The following WWOX variants were observed in gnomAD, a reference collection of about 807,000 sequenced individuals.
WWOX encodes the protein WW domain containing oxidoreductase.
Under a neutral mutation model 46.2 loss-of-function variants are expected in WWOX, and 69 were observed. The observed-to-expected ratio is 1.49, with a 90% CI of 1.23 to 1.82. The LOEUF is 1.82. Among genes scored for constraint, WWOX ranks in the 40% most tolerant of loss-of-function variants. The pLI, the probability that WWOX is intolerant of heterozygous loss-of-function variation, is 0.00. For missense variants in WWOX, 919 were observed against 542.6 expected, an observed-to-expected ratio of 1.69 and a Z score of -6.89; for synonymous variants, 359 against 202.6, an observed-to-expected ratio of 1.77 and a Z score of -6.56.
intron 8 of WWOX, among the ~76,000 whole-genome samples, chr16:78,992,518 G>T (rs191942982): frequency 1.3e-5 from 2 of 152,096 alleles, no homozygotes; most frequent in Non-Finnish European, 2.9e-5. Context: ...CTCATTTTAC[G>T]TTGTATGTAC....
chr16:78,995,636 A>C (rs1294065385), intron 8 of WWOX, among the ~76,000 whole-genome samples: 1 of 152,184 alleles, frequency 6.6e-6, no homozygotes, highest in Non-Finnish European at 1.5e-5. Context: ...GCTTGTTCTT[A>C]TGTGGTTGAT....
intron 8 of WWOX, among the ~76,000 whole-genome samples, chr16:79,182,054 G>A (rs934427981): frequency 6.6e-6 from 1 of 150,400 alleles, no homozygotes; most frequent in African/African-American, 2.5e-5. Context: ...GGTACCGCAG[G>A]GGAACCTTCC....
intron 8 of WWOX, among the ~76,000 whole-genome samples, chr16:78,456,131 C>G (rs963881374): frequency 7.2e-5 from 11 of 152,320 alleles, no homozygotes; most frequent in African/African-American, 1.9e-4. Context: ...CTGAAGTGCC[C>G]AAGCTCTAAA....
intron 8 of WWOX, among the ~76,000 whole-genome samples, chr16:78,867,462 G>C (rs981205617): frequency 2.6e-5 from 4 of 151,794 alleles, no homozygotes; most frequent in Admixed American, 6.6e-5. Context: ...GGGAATCTGA[G>C]ACTCAGAGAA....
chr16:79,093,706 A>C (rs899651693), intron 8 of WWOX, among the ~76,000 whole-genome samples: 2 of 152,190 alleles, frequency 1.3e-5, no homozygotes, highest in African/African-American at 4.8e-5. Flanking sequence ...CTTTTTGGTA[A>C]CTTGAATGAA....
At chr16:78,431,523 C>G (rs2083216796) in intron 7 of WWOX, among the ~76,000 whole-genome samples, 1 of 152,116 alleles carries the variant, frequency 6.6e-6, no homozygotes, top group African/African-American at 2.4e-5. Context: ...TTTCCAAAAG[C>G]AGCAGCCCTT....
intron 4 of WWOX, among the ~76,000 whole-genome samples, chr16:78,152,240 G>A (rs568581381): frequency 6.6e-6 from 1 of 151,640 alleles, no homozygotes; most frequent in African/African-American, 2.4e-5. Context: ...TTGCATCTCC[G>A]TATCATTTCT....
At chr16:78,880,068 G>T (rs2151213905) in intron 8 of WWOX, among the ~76,000 whole-genome samples, 2 of 152,308 alleles carry the variant, frequency 1.3e-5, no homozygotes, top group East Asian at 3.9e-4. Context: ...CATGATACGA[G>T]TTGATGATAC....
intron 8 of WWOX, among the ~76,000 whole-genome samples, chr16:78,957,904 C>T (rs1428924657): frequency 6.6e-6 from 1 of 152,214 alleles, no homozygotes; most frequent in Non-Finnish European, 1.5e-5. Context: ...TCCGCCCTTT[C>T]TTTTGTTTGT....
chr16:78,491,342 A>AT (rs1300149561), intron 8 of WWOX, among the ~76,000 whole-genome samples: 1 of 152,276 alleles, frequency 6.6e-6, no homozygotes, highest in Non-Finnish European at 1.5e-5. Context: ...ACCAAGTTTT[A>AT]TTCCCTGTTT....
chr16:78,471,725 C>T (rs1367260630), intron 8 of WWOX, among the ~76,000 whole-genome samples: 1 of 152,126 alleles, frequency 6.6e-6, no homozygotes, highest in Non-Finnish European at 1.5e-5. Flanking sequence ...AAGCAATAGT[C>T]CCTGAACATC....
chr16:78,223,366 C>G (rs2036953055), intron 5 of WWOX, among the ~76,000 whole-genome samples: 2 of 152,140 alleles, frequency 1.3e-5, no homozygotes, highest in South Asian at 4.1e-4. Context: ...AGTGCTGAGG[C>G]TGAGAAACCC....
chr16:78,897,240 T>TAAAAAAAAAAAAAAAAAAAAAAAAAAAA (rs60048933), intron 8 of WWOX: 1 of 53,728 alleles, frequency 1.9e-5, no homozygotes, highest in African/African-American at 8.7e-5. Context: ...AGACTGTCTT[T>TAAAAAAAAAAAAAAAAAAAAAAAAAAAA]AAAAAAAAAA....
intron 6 of WWOX, among the ~76,000 whole-genome samples, chr16:78,399,420 A>G (rs2082361781): frequency 6.6e-6 from 1 of 152,196 alleles, no homozygotes; most frequent in African/African-American, 2.4e-5. Context: ...CTTACAAGGA[A>G]TCTATGAACC....
chr16:78,504,805 C>T (rs905248752), intron 8 of WWOX, among the ~76,000 whole-genome samples: 5 of 151,990 alleles, frequency 3.3e-5, no homozygotes, highest in South Asian at 2.1e-4. Flanking sequence ...CTTATGCATC[C>T]GTGCTCAGGG....
intron 8 of WWOX, among the ~76,000 whole-genome samples, chr16:78,692,719 A>G (rs928332113): frequency 6.6e-6 from 1 of 152,150 alleles, no homozygotes; most frequent in African/African-American, 2.4e-5. Context: ...AAACAAGAAG[A>G]CCCTCTTAAT....
intron 8 of WWOX, among the ~76,000 whole-genome samples, chr16:78,915,660 T>C (rs1366245891): frequency 1.3e-5 from 2 of 149,962 alleles, no homozygotes; most frequent in Admixed American, 1.3e-4. Flanking sequence ...TTCTTACCGT[T>C]TGGGGAAAGT....
intron 8 of WWOX, among the ~76,000 whole-genome samples, chr16:79,049,491 A>G (rs1397648810): frequency 1.3e-5 from 2 of 152,130 alleles, no homozygotes; most frequent in African/African-American, 4.8e-5. Flanking sequence ...TCCACAGAGA[A>G]TGATCAGGAA....
chr16:78,387,444 ATTTAT>A (rs2082083360), intron 6 of WWOX, among the ~76,000 whole-genome samples: 1 of 133,648 alleles, frequency 7.5e-6, no homozygotes, highest in South Asian at 2.3e-4. Flanking sequence ...CATTCCTTTT[ATTTAT>A]TTTTTTTCAT....
Sources: allele counts gnomAD v4.1 joint callset (sites outside exome capture counted in the v4.1 genomes callset), GRCh38; gene constraint gnomAD v4.1.1; transcripts MANE v1.5; gene names NCBI Gene and HGNC (gene_info 2026-07-23, HGNC 2026-07-21).